The following WDFY3 variants were observed in gnomAD, a reference collection of about 807,000 sequenced individuals.
WDFY3 encodes WD repeat and FYVE domain-containing protein 3.
In WDFY3, 66 loss-of-function variants were observed where a neutral mutation model predicts 409.6. That is an observed-to-expected ratio of 0.16 (90% CI 0.13 to 0.20). WDFY3 has a LOEUF of 0.20. Among genes scored for constraint, WDFY3 ranks in the 10% least tolerant of loss-of-function variants. The pLI is 1.00. For missense variants in WDFY3, 3,031 were observed against 4,298.1 expected, an observed-to-expected ratio of 0.71 and a Z score of 8.24; for synonymous variants, 1,521 against 1,537.1, an observed-to-expected ratio of 0.99 and a Z score of 0.25.
intron 3 of WDFY3, among the ~76,000 whole-genome samples, chr4:84,890,087 A>G (rs1253755167): frequency 6.6e-6 from 1 of 151,968 alleles, no homozygotes; most frequent in Non-Finnish European, 1.5e-5. Flanking sequence ...AGCCAATCAA[A>G]CTTACTTGCC....
rs966460530 is a variant in WDFY3, at chr4:84,923,826, C to G, written c.-132+8444G>C. Among the ~76,000 whole-genome samples the G allele has an allele frequency of 6.6e-5, 10 of 152,060 alleles. No individual in the cohort carries two copies. The East Asian group carries it at 1.5e-3, about 23-fold the overall frequency. The stretch of plus-strand genomic sequence containing the variant: ...CTAGCCTGGCCAACATGGTGAAAAC[C>G]CTTCTCTACTAAAAATACAAAAATT... On this transcript the variant is annotated intron_variant, in intron 2 of 67. Coordinates refer to ENST00000295888, the MANE Select transcript of WDFY3 (RefSeq NM_014991.6).
In WDFY3 at chr4:84,670,846, T is replaced by C. The variant is rs1292022604; in HGVS notation, c.*2022A>G. 6.6e-6 allele frequency: 1 copy of C among 152,450 alleles called. No individual in the cohort carries two copies. Among genetic ancestry groups the C allele is most frequent in the Non-Finnish European group, 1.5e-5 (1 of 68,044 alleles). 9.4% of individuals were successfully genotyped at this position (152,450 alleles called of 1,614,324 possible). On this transcript the variant is annotated 3_prime_UTR_variant, in exon 68 of 68. Transcript: ENST00000295888. The stretch of plus-strand genomic sequence containing the variant: ...CTGCAACTGTTGAACATCAGCATTA[T>C]TTATTAGAATTGAAGATGGTGATGG...
intron 19 of WDFY3, among the ~76,000 whole-genome samples, chr4:84,795,202 TAAAAA>T (rs931347180): frequency 6.6e-6 from 1 of 150,686 alleles, no homozygotes; most frequent in East Asian, 1.9e-4. Context: ...TAACTTAAAA[TAAAAA>T]AAAATGAAGA....
chr4:84,739,423 A>C, intron 39 of WDFY3: 2 of 284,688 alleles, frequency 7.0e-6, no homozygotes, highest in Non-Finnish European at 1.4e-5. Context: ...AACTAAGAAC[A>C]TTTTTCTAAT....
At chr4:84,795,314 T>C (rs1749205597) in intron 19 of WDFY3, among the ~76,000 whole-genome samples, 1 of 152,228 alleles carries the variant, frequency 6.6e-6, no homozygotes, top group Non-Finnish European at 1.5e-5. Context: ...TGCCCCTTAC[T>C]GTCACTCTCT....
intron 32 of WDFY3, among the ~76,000 whole-genome samples, chr4:84,765,426 G>A (rs1437930820): frequency 6.6e-6 from 1 of 152,150 alleles, no homozygotes; most frequent in Non-Finnish European, 1.5e-5. Flanking sequence ...CAGAGTTATT[G>A]TGATGAAATG....
chr4:84,828,030 T>A (rs1397114987), intron 9 of WDFY3, among the ~76,000 whole-genome samples: 1 of 147,614 alleles, frequency 6.8e-6, no homozygotes, highest in Non-Finnish European at 1.5e-5. Context: ...TATCGAGCTA[T>A]GATTATGCCA....
rs149628523 is a variant in WDFY3 at position 84,955,386 on chromosome 4, T to C, written c.-226+10823A>G. On this transcript the variant is annotated intron_variant, in intron 1 of 67. Coordinates refer to ENST00000295888, the MANE Select transcript of WDFY3 (RefSeq NM_014991.6). ...CAATCAGCCATTTGTCTAATACCTG[T>C]TGCTCTTCTTACAGGAAATGCAGGG... is the stretch of plus-strand genomic sequence containing the variant. Among the ~76,000 whole-genome samples the C allele has an allele frequency of 4.2e-4, 64 of 152,312 alleles. 1 individual carries two copies. The East Asian group carries it at 0.012, about 28-fold the overall frequency.
intron 1 of WDFY3, among the ~76,000 whole-genome samples, chr4:84,954,829 T>C (rs897850958): frequency 3.9e-5 from 6 of 152,234 alleles, no homozygotes; most frequent in Admixed American, 2.6e-4. Context: ...CTCTCTAGAA[T>C]CAGCACAGTG....
At chr4:84,744,711 G>A (rs1245835846) in intron 36 of WDFY3, among the ~76,000 whole-genome samples, 1 of 150,714 alleles carries the variant, frequency 6.6e-6, no homozygotes, top group African/African-American at 2.4e-5. Flanking sequence ...AAATTAGCCG[G>A]GCGTAGTGGC....
At chr4:84,962,739 T>C (rs1417340855) in intron 1 of WDFY3, among the ~76,000 whole-genome samples, 1 of 150,754 alleles carries the variant, frequency 6.6e-6, no homozygotes, top group Non-Finnish European at 1.5e-5. Context: ...GGTGGCGCCA[T>C]CTCAGCTCAC....
At chr4:84,722,231 T>C (rs1212963402) in intron 46 of WDFY3, among the ~76,000 whole-genome samples, 1 of 151,904 alleles carries the variant, frequency 6.6e-6, no homozygotes, top group Non-Finnish European at 1.5e-5. Context: ...CTACTAAAAA[T>C]ACAAAAATTA....
At chr4:84,702,641 C>T (rs1731229736) in intron 55 of WDFY3, 135 bp from the exon 56 acceptor site, 3 of 675,626 alleles carry the variant, frequency 4.4e-6, no homozygotes, top group Non-Finnish European at 6.8e-6. Flanking sequence ...TAAATACGCA[C>T]AAATTTTTAA....
intron 33 of WDFY3, 81 bp downstream of exon 33, chr4:84,756,845 G>A (rs1741552592): frequency 1.2e-5 from 16 of 1,385,900 alleles, no homozygotes; most frequent in Non-Finnish European, 1.6e-5. Flanking sequence ...TTGACAGTTG[G>A]TTTTACAGTG....
chr4:84,942,709 T>A, intron 1 of WDFY3, among the ~76,000 whole-genome samples: 1 of 152,222 alleles, frequency 6.6e-6, no homozygotes, highest in Admixed American at 6.5e-5. Flanking sequence ...CATTCACATA[T>A]CCTCGGTAAA....
At chr4:84,748,266 TATGA>T (rs1739861872) in intron 36 of WDFY3, among the ~76,000 whole-genome samples, 1 of 152,216 alleles carries the variant, frequency 6.6e-6, no homozygotes, top group African/African-American at 2.4e-5. Flanking sequence ...GGCACTGTGT[TATGA>T]ATATTAAATC....
In WDFY3 at chr4:84,726,959, AGAG is replaced by A. The variant is rs746365216; in HGVS notation, c.7222-51_7222-49del. On this transcript the variant is annotated intron_variant, in intron 44 of 67. Transcript: ENST00000295888. ...AGACATATCAGAAAAAAAAACATAA[AGAG>A]GAACACAAAAATAAAATTTTTCTTG... is the stretch of plus-strand genomic sequence containing the variant. 8 of 1,524,836 alleles carry A rather than the reference AGAG, an allele frequency of 5.2e-6. No homozygotes were observed. The Admixed American group carries it at 1.1e-4, about 21-fold the overall frequency. 94.5% of individuals were successfully genotyped at this position (1,524,836 alleles called of 1,614,324 possible).
At chr4:84,853,453 C>T (rs566132821) in intron 4 of WDFY3, among the ~76,000 whole-genome samples, 4 of 152,286 alleles carry the variant, frequency 2.6e-5, no homozygotes, top group South Asian at 2.1e-4. Flanking sequence ...GGATTACAGG[C>T]GTGAGCCAAC....
At chr4:84,781,281 T>C (rs1176883628) in intron 25 of WDFY3, among the ~76,000 whole-genome samples, 1 of 151,952 alleles carries the variant, frequency 6.6e-6, no homozygotes, top group South Asian at 2.1e-4. Context: ...TGTTTGAATG[T>C]CACTTGCCTG....
Sources: gnomAD v4.1 joint callset for allele counts (sites outside exome capture counted in the v4.1 genomes callset) on GRCh38, gnomAD v4.1.1 for gene constraint, MANE v1.5 for transcripts, NCBI Gene and HGNC (gene_info 2026-07-23, HGNC 2026-07-21) for gene names.